The following ADGB variants were observed in gnomAD, a reference collection of about 807,000 sequenced individuals.
The protein encoded by ADGB is androglobin.
Under a neutral mutation model 210.5 loss-of-function variants are expected in ADGB, and 172 were observed. That is an observed-to-expected ratio of 0.82 (90% CI 0.72 to 0.93). The LOEUF is 0.93. ADGB is among the 40% of genes least tolerant of loss of function. ADGB has a pLI of 0.00. For missense variants in ADGB, 2,025 were observed against 1,964.8 expected, an observed-to-expected ratio of 1.03 and a Z score of -0.58; for synonymous variants, 658 against 662.7, an observed-to-expected ratio of 0.99 and a Z score of 0.11.
At chr6:146,744,322 T>G (rs139848482) in intron 25 of ADGB, among the ~76,000 whole-genome samples, 1 of 152,214 alleles carries the variant, frequency 6.6e-6, no homozygotes, top group African/African-American at 2.4e-5. Context: ...TGGCTAATTC[T>G]GCCCAGCAGG....
At chr6:146,682,536 T>C (rs1250032664) in intron 9 of ADGB, among the ~76,000 whole-genome samples, 3 of 152,142 alleles carry the variant, frequency 2.0e-5, no homozygotes, top group African/African-American at 7.2e-5. Flanking sequence ...AGCATTATTA[T>C]ATGCAGCTGT....
At chr6:146,726,642 C>T (rs759382226) in intron 19 of ADGB, among the ~76,000 whole-genome samples, 5 of 152,136 alleles carry the variant, frequency 3.3e-5, no homozygotes, top group Non-Finnish European at 7.4e-5. Flanking sequence ...CAAGAAATCC[C>T]CACATGCAAC....
intron 20 of ADGB, among the ~76,000 whole-genome samples, chr6:146,730,034 T>C (rs1459812534): frequency 1.3e-5 from 2 of 152,170 alleles, no homozygotes; most frequent in Non-Finnish European, 2.9e-5. Flanking sequence ...CAAATACAAA[T>C]ACAGGACACC....
intron 2 of ADGB, among the ~76,000 whole-genome samples, chr6:146,644,103 C>T (rs1775569142): frequency 6.6e-6 from 1 of 151,684 alleles, no homozygotes; most frequent in Non-Finnish European, 1.5e-5. Context: ...AGGAATGGTA[C>T]TTGTGGTAAT....
intron 1 of ADGB, among the ~76,000 whole-genome samples, chr6:146,628,212 G>C (rs1234840247): frequency 6.6e-6 from 1 of 150,848 alleles, no homozygotes; most frequent in Non-Finnish European, 1.5e-5. Context: ...GAATATAATT[G>C]ACATTGTATA....
intron 35 of ADGB, among the ~76,000 whole-genome samples, chr6:146,809,799 AC>A (rs1208982610): frequency 6.6e-6 from 1 of 152,222 alleles, no homozygotes; most frequent in African/African-American, 2.4e-5. Flanking sequence ...CCTATGCTAT[AC>A]AAAAAAATTA....
chr6:146,616,739 T>C (rs1780806062), intron 1 of ADGB, among the ~76,000 whole-genome samples: 2 of 152,184 alleles, frequency 1.3e-5, no homozygotes, highest in Non-Finnish European at 2.9e-5. Context: ...GAGTTGGCTG[T>C]AAATGTGTGG....
intron 25 of ADGB, among the ~76,000 whole-genome samples, chr6:146,742,053 A>G (rs1777169921): frequency 6.6e-6 from 1 of 152,282 alleles, no homozygotes; most frequent in East Asian, 1.9e-4. Flanking sequence ...ATTAGAACAT[A>G]CTTATCTCAT....
intron 32 of ADGB, among the ~76,000 whole-genome samples, chr6:146,786,673 T>C (rs757020878): frequency 6.6e-6 from 1 of 152,160 alleles, no homozygotes; most frequent in African/African-American, 2.4e-5. Flanking sequence ...AAGTCATCCA[T>C]CTCAAAAGTG....
At position 146,734,944 on chromosome 6, in the gene ADGB, T is replaced by C. The variant is rs932359349; in HGVS notation, c.2794+914T>C. Among the ~76,000 whole-genome samples, 5 of 151,878 alleles carry C rather than the reference T, an allele frequency of 3.3e-5. No homozygotes were observed. In the South Asian group the frequency reaches 1.0e-3, roughly 32 times the overall value. ...AAAACAAAAAACAAAAAATATATATTCAATTATTTTCATTCTGTGGTTTTT... is the reference window on the plus strand; with the variant it reads ...AAAACAAAAAACAAAAAATATATATCCAATTATTTTCATTCTGTGGTTTTT... On this transcript the variant is annotated intron_variant, in intron 22 of 35. Coordinates refer to ENST00000397944, the MANE Select transcript of ADGB (RefSeq NM_024694.4).
rs949790581 is a variant in ADGB, at chr6:146,726,105, G to A, written c.2260G>A (p.Ala754Thr). The A allele has an allele frequency of 1.4e-5, 22 of 1,539,834 alleles. No individual in the cohort carries two copies. Among genetic ancestry groups the A allele is most frequent in the Non-Finnish European group, 1.9e-5 (22 of 1,137,888 alleles). Residue 754 changes from alanine (A) to threonine (T), a missense_variant, in exon 19 of 36, where the codon GCA becomes ACA. Physicochemically the swap from Ala to Thr is moderately conservative, Grantham distance 58. Coordinates refer to ENST00000397944, the MANE Select transcript of ADGB (RefSeq NM_024694.4). The part of the protein sequence containing the change: ...PVGRHMLLFN[A>T]YSPVGHSIHI... ...TAGGAGACACATGCTACTCTTCAAC[G>A]CATACTCCCCAGTAGGACACTCCAT... is the stretch of plus-strand genomic sequence containing the variant.
intron 20 of ADGB, among the ~76,000 whole-genome samples, chr6:146,729,619 A>G (rs1249887103): frequency 6.6e-6 from 1 of 151,976 alleles, no homozygotes; most frequent in African/African-American, 2.4e-5. Context: ...TAAACAAACA[A>G]AAATTGAAGA....
chr6:146,687,267 A>C (rs1006695699), intron 10 of ADGB, among the ~76,000 whole-genome samples: 4 of 152,124 alleles, frequency 2.6e-5, no homozygotes, highest in African/African-American at 9.6e-5. Context: ...GCCTCTTGCT[A>C]AGATTAGGGC....
Position 146,701,100 on chromosome 6 carries a change from A to C in ADGB, c.1707+30A>C, listed in dbSNP as rs141583157. The C allele has an allele frequency of 1.6e-3, 2,548 of 1,544,426 alleles. 4 individuals carry two copies. The highest frequency in any genetic ancestry group is 3.9e-3 in the South Asian group (328 of 83,060). ...CTATGTTACTCTTACTGTTGGCCCAACTCTTAATGAGACAAGATTTTTTTC... is the reference window on the plus strand; with the variant it reads ...CTATGTTACTCTTACTGTTGGCCCACCTCTTAATGAGACAAGATTTTTTTC... On this transcript the variant is annotated intron_variant, in intron 13 of 35. Coordinates refer to ENST00000397944, the MANE Select transcript of ADGB (RefSeq NM_024694.4).
In ADGB at chr6:146,698,879, T is replaced by C. The variant is rs1035261207; in HGVS notation, c.1578-2062T>C. Among the ~76,000 whole-genome samples the C allele has an allele frequency of 2.8e-4, 42 of 152,220 alleles. 1 individual carries two copies. Among genetic ancestry groups the C allele is most frequent in the South Asian group, 2.1e-3 (10 of 4,818 alleles). ...CTGGGACTACAGGCATGTTCCACCA[T>C]GCCCAGCATAAAATTTGTGTTATAA... is the stretch of plus-strand genomic sequence containing the variant. On this transcript the variant is annotated intron_variant, in intron 12 of 35. Coordinates refer to ENST00000397944, the MANE Select transcript of ADGB (RefSeq NM_024694.4).
intron 1 of ADGB, among the ~76,000 whole-genome samples, chr6:146,625,529 C>G (rs1268227361): frequency 6.6e-6 from 1 of 152,016 alleles, no homozygotes; most frequent in African/African-American, 2.4e-5. Context: ...GTGTTTGGGT[C>G]ATGGGAGTGG....
At chr6:146,677,432 C>T (rs1350796080) in intron 9 of ADGB, among the ~76,000 whole-genome samples, 5 of 152,136 alleles carry the variant, frequency 3.3e-5, no homozygotes, top group South Asian at 4.2e-4. Context: ...TATATGAGGA[C>T]ATTTTAATAA....
intron 22 of ADGB, among the ~76,000 whole-genome samples, chr6:146,735,987 T>C (rs1359952099): frequency 6.6e-6 from 1 of 152,194 alleles, no homozygotes; most frequent in East Asian, 1.9e-4. Context: ...GAAATTAAGA[T>C]AGGATAATTA....
chr6:146,738,438 C>CTTTTTTT lies in ADGB; in HGVS notation c.2888+1871_2888+1877dup, dbSNP rs71031008. 6.4e-4 allele frequency among the ~76,000 whole-genome samples: 46 copies of CTTTTTTT among 71,392 alleles called. 1 individual carries two copies. Among genetic ancestry groups the CTTTTTTT allele is most frequent in the African/African-American group, 1.9e-3 (38 of 20,386 alleles). The allele number at this position is 71,392 out of a possible 152,430, so 46.8% of individuals were successfully genotyped here. On this transcript the variant is annotated intron_variant, in intron 23 of 35. Transcript: ENST00000397944. ...GAATCCCATTCGAATCCCATTTCAT[C>CTTTTTTT]TTTTTTTTTTTTTTTTTTTTTTTTT...
Sources: gnomAD v4.1 joint callset for allele counts (sites outside exome capture counted in the v4.1 genomes callset) on GRCh38, gnomAD v4.1.1 for gene constraint, MANE v1.5 for transcripts, NCBI Gene and HGNC (gene_info 2026-07-23, HGNC 2026-07-21) for gene names.